Variants in SMARCB1 observed in about 807,000 individuals in gnomAD.
SMARCB1 encodes the protein SWI/SNF-related matrix-associated actin-dependent regulator of chromatin subfamily B member 1.
SMARCB1 carries 5 observed loss-of-function variants against 49.0 expected under a neutral mutation model. The ratio of observed to expected loss-of-function variants is 0.10; its 90% CI spans 0.05 to 0.21. SMARCB1 has a LOEUF of 0.21. Among genes scored for constraint, SMARCB1 ranks in the 10% least tolerant of loss-of-function variants. The pLI is 1.00. For synonymous variants in SMARCB1, 201 were observed against 200.1 expected (o/e 1.00, Z -0.04); for missense variants, 226 against 509.2 (o/e 0.44, Z 5.35).
In SMARCB1 at chr22:23,837,433, C is replaced by G; in HGVS notation, c.*3253C>G. On this transcript the variant is annotated 3_prime_UTR_variant, in exon 9 of 9. Transcript: ENST00000644036. ...CTGACCCTCCCATCCTCACTCCCAT[C>G]AGGACCGTGCAAGCATCAGTAGATC... 1 of 645,318 alleles carries G rather than the reference C, an allele frequency of 1.5e-6. No individual in the cohort carries two copies. Among genetic ancestry groups the G allele is most frequent in the East Asian group, 2.7e-5 (1 of 36,620 alleles). The allele number at this position is 645,318 out of a possible 1,614,324, so 40.0% of individuals were successfully genotyped here.
chr22:23,800,938 C>T lies in SMARCB1; in HGVS notation c.363-6C>T, dbSNP rs1601401778. 1 of 1,612,356 alleles carries T rather than the reference C, an allele frequency of 6.2e-7. No homozygotes were observed. Among genetic ancestry groups the T allele is most frequent in the Non-Finnish European group, 8.5e-7 (1 of 1,178,384 alleles). ...GACTGGGAGGACTTTTCTTGTATCT[C>T]CTCAGGGAACAGAAGGCCAAGAGGA... On this transcript the variant is annotated splice_polypyrimidine_tract_variant and splice_region_variant and intron_variant, in intron 3 of 8. Transcript: ENST00000644036.
At chr22:23,807,798 C>CTTT (rs71184913) in intron 5 of SMARCB1, among the ~76,000 whole-genome samples, 4 of 132,682 alleles carry the variant, frequency 3.0e-5, no homozygotes, top group South Asian at 2.4e-4. Context: ...CTTTTTTTTT[C>CTTT]TTTTTTTTTT....
intron 1 of SMARCB1, 31 bp from the exon 2 acceptor site, chr22:23,791,725 C>T: frequency 6.2e-7 from 1 of 1,611,850 alleles, no homozygotes; most frequent in Non-Finnish European, 8.5e-7. Context: ...TGCTGCGACC[C>T]TTATAATGAG....
At chr22:23,813,641 T>G (rs9612448) in intron 5 of SMARCB1, among the ~76,000 whole-genome samples, 18,989 of 152,114 alleles carry the variant, frequency 0.12, 1,254 homozygotes, top group South Asian at 0.27. Flanking sequence ...AAGGAAGACC[T>G]AAATAAGTAG....
At chr22:23,792,023 T>C (rs893712022) in intron 2 of SMARCB1, 129 bp downstream of exon 2, 55 of 964,918 alleles carry the variant, frequency 5.7e-5, no homozygotes, top group Non-Finnish European at 7.7e-5. Flanking sequence ...CATCCCGGGG[T>C]GGGCCGCCCT....
At position 23,836,791 on chromosome 22, in the gene SMARCB1, G is replaced by T. The variant is rs959052565; in HGVS notation, c.*2611G>T. On this transcript the variant is annotated 3_prime_UTR_variant, in exon 9 of 9. Coordinates refer to ENST00000644036, the MANE Select transcript of SMARCB1 (RefSeq NM_003073.5). ...TGCATGGGCCCAGCCTTTAGGATGG[G>T]TTTTTTCTGCCCCAAGTAGGGGTCA... is the stretch of plus-strand genomic sequence containing the variant. 38 of 1,417,314 alleles carry T rather than the reference G, an allele frequency of 2.7e-5. No individual in the cohort carries two copies. Among genetic ancestry groups the T allele is most frequent in the Non-Finnish European group, 3.5e-5 (38 of 1,085,676 alleles). 87.8% of individuals were successfully genotyped at this position (1,417,314 alleles called of 1,614,324 possible).
Position 23,787,297 on chromosome 22 carries a change from C to T in SMARCB1, c.93+35C>T, listed in dbSNP as rs757794031. The T allele has an allele frequency of 1.2e-5, 16 of 1,362,222 alleles. No homozygotes were observed. The Admixed American group carries it at 1.9e-4, about 17-fold the overall frequency. 84.4% of individuals were successfully genotyped at this position (1,362,222 alleles called of 1,614,324 possible). A position where few individuals can be genotyped will look rare whatever the true frequency, so the allele number is the denominator to read the frequency against. ...GGCGCGTTCTCGCCCTCCCCGGGCT[C>T]GGCCCCGCGGGAGCCCCGGGGCGGG... On this transcript the variant is annotated intron_variant, in intron 1 of 8. Coordinates refer to ENST00000644036, the MANE Select transcript of SMARCB1 (RefSeq NM_003073.5).
intron 5 of SMARCB1, among the ~76,000 whole-genome samples, chr22:23,807,335 C>T (rs1305103409): frequency 6.6e-6 from 1 of 151,508 alleles, no homozygotes; most frequent in Non-Finnish European, 1.5e-5. Flanking sequence ...AGCACAGTTG[C>T]TCACGCCTGA....
chr22:23,821,651 A>T (rs556093262), intron 6 of SMARCB1, among the ~76,000 whole-genome samples: 1 of 152,228 alleles, frequency 6.6e-6, no homozygotes, highest in African/African-American at 2.4e-5. Context: ...GGAGTTCGAG[A>T]CAAGCCTGGG....
At chr22:23,822,886 T>C (rs181442193) in intron 6 of SMARCB1, among the ~76,000 whole-genome samples, 1 of 140,364 alleles carries the variant, frequency 7.1e-6, no homozygotes, top group African/African-American at 2.6e-5. Context: ...TCCCTGGCAC[T>C]CCCGTGCTTT....
intron 5 of SMARCB1, among the ~76,000 whole-genome samples, chr22:23,813,076 A>G (rs1355102183): frequency 6.6e-6 from 1 of 152,146 alleles, no homozygotes; most frequent in Non-Finnish European, 1.5e-5. Context: ...AGTGTTAGCC[A>G]GGAATGTCTC....
At chr22:23,800,075 C>T (rs1293894207) in intron 3 of SMARCB1, among the ~76,000 whole-genome samples, 2 of 152,146 alleles carry the variant, frequency 1.3e-5, no homozygotes, top group Admixed American at 6.5e-5. Context: ...GTGATCCATC[C>T]GCCTTGGCCT....
intron 6 of SMARCB1, among the ~76,000 whole-genome samples, chr22:23,819,810 T>G (rs1173345394): frequency 6.6e-6 from 1 of 151,818 alleles, no homozygotes; most frequent in African/African-American, 2.4e-5. Context: ...ACATCCTCAC[T>G]CACACTTGTT....
At position 23,834,982 on chromosome 22, in the gene SMARCB1, G is replaced by C. The variant is rs1344971696; in HGVS notation, c.*802G>C. On this transcript the variant is annotated 3_prime_UTR_variant, in exon 9 of 9. Coordinates refer to ENST00000644036, the MANE Select transcript of SMARCB1 (RefSeq NM_003073.5). ...GGCACTGCTGGGCTGTCGCCAGCCTGGGTGCAGGAGGGCTGTTCTAGCTCC... is the reference window on the plus strand; with the variant it reads ...GGCACTGCTGGGCTGTCGCCAGCCTCGGTGCAGGAGGGCTGTTCTAGCTCC... 4 of 1,516,984 alleles carry C rather than the reference G, an allele frequency of 2.6e-6. No individual in the cohort carries two copies. In the South Asian group the frequency reaches 5.0e-5, roughly 19 times the overall value. 94.0% of individuals were successfully genotyped at this position (1,516,984 alleles called of 1,614,324 possible).
chr22:23,827,111 G>A (rs1402174204), intron 7 of SMARCB1, among the ~76,000 whole-genome samples: 1 of 152,220 alleles, frequency 6.6e-6, no homozygotes, highest in African/African-American at 2.4e-5. Flanking sequence ...CAGTCATGTT[G>A]CGCGCATCAA....
chr22:23,833,463 C>T lies in SMARCB1; in HGVS notation c.987-109C>T, dbSNP rs35882817. 13,103 of 1,485,352 alleles carry T rather than the reference C, an allele frequency of 8.8e-3. 913 individuals are homozygous for T. In the African/African-American group the frequency reaches 0.15, roughly 17 times the overall value. The allele number at this position is 1,485,352 out of a possible 1,614,324, so 92.0% of individuals were successfully genotyped here. On this transcript the variant is annotated intron_variant, in intron 7 of 8. Transcript: ENST00000644036. ...GGTGACTGGAGCATCCACTGGGTGC[C>T]AGCAGTGCTGCTGGGAGGAGCAGGG...
chr22:23,798,981 C>T (rs1363881673), intron 3 of SMARCB1, among the ~76,000 whole-genome samples: 2 of 149,774 alleles, frequency 1.3e-5, no homozygotes, highest in African/African-American at 4.9e-5. Flanking sequence ...ACCCGGGAGG[C>T]AGACCTTGCA....
chr22:23,806,723 A>C (rs756846289), intron 5 of SMARCB1, among the ~76,000 whole-genome samples: 18 of 152,036 alleles, frequency 1.2e-4, no homozygotes, highest in Non-Finnish European at 2.6e-4. Flanking sequence ...GGAGTTTGAG[A>C]CCAGCCTGGC....
rs539114814 is a variant in SMARCB1, at chr22:23,816,439, A to T, written c.629-331A>T. 49 of 509,200 alleles carry T rather than the reference A, an allele frequency of 9.6e-5. No homozygotes were observed. The East Asian group carries it at 1.7e-3, about 17-fold the overall frequency. 31.5% of individuals were successfully genotyped at this position (509,200 alleles called of 1,614,324 possible). On this transcript the variant is annotated intron_variant, in intron 5 of 8. Coordinates refer to ENST00000644036, the MANE Select transcript of SMARCB1 (RefSeq NM_003073.5). ...GTAGAGAGATGGCACGCAAGCTTTG[A>T]TGTGCCTTTGCTGGCCTCGCCTGGA... is the stretch of plus-strand genomic sequence containing the variant.
Sources: allele counts gnomAD v4.1 joint callset (sites outside exome capture counted in the v4.1 genomes callset), GRCh38; gene constraint gnomAD v4.1.1; transcripts MANE v1.5; gene names NCBI Gene and HGNC (gene_info 2026-07-23, HGNC 2026-07-21).